MIPOL1: variants seen among roughly 807,000 people sequenced by gnomAD.
MIPOL1 encodes the protein mirror-image polydactyly gene 1 protein.
Under a neutral mutation model 60.9 loss-of-function variants are expected in MIPOL1, and 57 were observed. That is an observed-to-expected ratio of 0.94 (90% CI 0.76 to 1.17). MIPOL1 has a LOEUF of 1.17. MIPOL1 is among the 50% of genes most tolerant of loss of function. MIPOL1 has a pLI of 0.00. For synonymous variants in MIPOL1, 179 were observed against 168.8 expected, an observed-to-expected ratio of 1.06 and a Z score of -0.47; for missense variants, 551 against 511.6, an observed-to-expected ratio of 1.08 and a Z score of -0.74.
chr14:37,522,865 C>T (rs552342159), intron 12 of MIPOL1, among the ~76,000 whole-genome samples: 8 of 152,006 alleles, frequency 5.3e-5, no homozygotes, highest in Non-Finnish European at 1.0e-4. Context: ...TTCTGGAGAG[C>T]TACATGTTAG....
intron 7 of MIPOL1, among the ~76,000 whole-genome samples, chr14:37,297,286 G>C (rs1594978919): frequency 6.6e-6 from 1 of 152,092 alleles, no homozygotes; most frequent in Non-Finnish European, 1.5e-5. Flanking sequence ...AATAAATTAG[G>C]TATTGATGGG....
chr14:37,276,870 C>A (rs1281321959), intron 6 of MIPOL1: 2 of 151,148 alleles, frequency 1.3e-5, no homozygotes, highest in African/African-American at 4.8e-5. Flanking sequence ...CTGTGAAACA[C>A]AGCAGGTAGA....
chr14:37,412,564 T>C (rs144101796), intron 10 of MIPOL1, among the ~76,000 whole-genome samples: 20 of 152,168 alleles, frequency 1.3e-4, no homozygotes, highest in Middle Eastern at 3.4e-3. Flanking sequence ...CAGAAAAGAA[T>C]ATATATTATA....
intron 3 of MIPOL1, among the ~76,000 whole-genome samples, chr14:37,266,730 A>G (rs2082902757): frequency 6.6e-6 from 1 of 152,154 alleles, no homozygotes; most frequent in Non-Finnish European, 1.5e-5. Context: ...TCAGACTCTT[A>G]AGTCCCAACT....
intron 1 of MIPOL1, among the ~76,000 whole-genome samples, chr14:37,223,963 G>A (rs1305132523): frequency 6.6e-6 from 1 of 152,068 alleles, no homozygotes; most frequent in Non-Finnish European, 1.5e-5. Context: ...TACAAACTTG[G>A]CAACAGTTTT....
At chr14:37,323,337 A>T (rs943823581) in intron 9 of MIPOL1, among the ~76,000 whole-genome samples, 2 of 151,768 alleles carry the variant, frequency 1.3e-5, no homozygotes, top group African/African-American at 4.8e-5. Flanking sequence ...TGGTCTATAT[A>T]TATGTTTTGG....
In MIPOL1 at chr14:37,547,542, ATTTG is replaced by A. The variant is rs1242764899; in HGVS notation, c.*575_*578del. 2 of 152,578 alleles carry A rather than the reference ATTTG, an allele frequency of 1.3e-5. No individual in the cohort carries two copies. Among genetic ancestry groups the A allele is most frequent in the Admixed American group, 6.6e-5 (1 of 15,266 alleles). 9.5% of individuals were successfully genotyped at this position (152,578 alleles called of 1,614,324 possible). ...ATAGGTGCCAAGAATTAAATGTATAATTTGTTTAATAAGAGATGGATATATTAAA... is the reference window on the plus strand; with the variant it reads ...ATAGGTGCCAAGAATTAAATGTATAATTTAATAAGAGATGGATATATTAAA... On this transcript the variant is annotated 3_prime_UTR_variant, in exon 13 of 13. Transcript: ENST00000684589.
At chr14:37,379,217 T>C (rs752761538) in intron 10 of MIPOL1, among the ~76,000 whole-genome samples, 1 of 152,010 alleles carries the variant, frequency 6.6e-6, no homozygotes, top group Non-Finnish European at 1.5e-5. Context: ...GGGATAAAAA[T>C]AGCATTTTCA....
chr14:37,273,331 C>A (rs1320932964), intron 6 of MIPOL1, among the ~76,000 whole-genome samples: 1 of 149,870 alleles, frequency 6.7e-6, no homozygotes, highest in Non-Finnish European at 1.5e-5. Context: ...CTATAATGAG[C>A]ATAGATTTAG....
At chr14:37,231,468 C>T (rs535799341) in intron 1 of MIPOL1, among the ~76,000 whole-genome samples, 1 of 152,228 alleles carries the variant, frequency 6.6e-6, no homozygotes, top group African/African-American at 2.4e-5. Context: ...TTCTGCATTC[C>T]CACTGATATT....
intron 12 of MIPOL1, among the ~76,000 whole-genome samples, chr14:37,541,845 C>T (rs557914388): frequency 1.3e-5 from 2 of 152,156 alleles, no homozygotes; most frequent in Non-Finnish European, 2.9e-5. Flanking sequence ...TGATCCATTC[C>T]TCAGAAGCCC....
chr14:37,281,813 GT>G (rs1171672356), intron 6 of MIPOL1, among the ~76,000 whole-genome samples: 1 of 152,092 alleles, frequency 6.6e-6, no homozygotes, highest in Non-Finnish European at 1.5e-5. Flanking sequence ...ATTTTAGATT[GT>G]TTTTTCTATT....
chr14:37,272,130 G>T (rs1397366267), intron 6 of MIPOL1, among the ~76,000 whole-genome samples: 1 of 151,318 alleles, frequency 6.6e-6, no homozygotes, highest in Admixed American at 6.6e-5. Context: ...TTATTTAAAA[G>T]ATGTTTAATA....
Position 37,548,251 on chromosome 14 carries a change from T to C in MIPOL1, c.*1280T>C, listed in dbSNP as rs2095553090. ...ACAGGATAAGTACATTCAGGACAAT[T>C]TATTGTACCATTCTTTCATATACCA... On this transcript the variant is annotated 3_prime_UTR_variant, in exon 13 of 13. Coordinates refer to ENST00000684589, the MANE Select transcript of MIPOL1 (RefSeq NM_001388067.1). The C allele has an allele frequency of 6.6e-6, 1 of 152,064 alleles. No homozygotes were observed. Among genetic ancestry groups the C allele is most frequent in the African/African-American group, 2.4e-5 (1 of 41,458 alleles). 9.4% of individuals were successfully genotyped at this position (152,064 alleles called of 1,614,324 possible).
chr14:37,488,730 G>T (rs1012399534), intron 11 of MIPOL1, among the ~76,000 whole-genome samples: 1 of 152,150 alleles, frequency 6.6e-6, no homozygotes, highest in Non-Finnish European at 1.5e-5. Flanking sequence ...ATTCTGGGTT[G>T]AAAATTCTTT....
intron 10 of MIPOL1, among the ~76,000 whole-genome samples, chr14:37,393,407 TG>T (rs1595563974): frequency 4.6e-3 from 3 of 654 alleles, no homozygotes; most frequent in African/African-American, 8.7e-3. Context: ...TTTGTTTTTG[TG>T]TGTGTGTGTG....
At chr14:37,278,596 T>A (rs2153401544) in intron 6 of MIPOL1, 2 of 151,934 alleles carry the variant, frequency 1.3e-5, no homozygotes, top group South Asian at 4.1e-4. Flanking sequence ...TAATGATTTC[T>A]TTTTCCTTCT....
intron 10 of MIPOL1, among the ~76,000 whole-genome samples, chr14:37,402,317 A>G (rs1202652660): frequency 2.0e-5 from 3 of 152,170 alleles, no homozygotes; most frequent in Admixed American, 1.3e-4. Context: ...AAAATTTGCC[A>G]CCTTTTGGGG....
At chr14:37,284,831 A>G (rs922065891) in intron 6 of MIPOL1, among the ~76,000 whole-genome samples, 5 of 152,172 alleles carry the variant, frequency 3.3e-5, no homozygotes, top group African/African-American at 1.2e-4. Context: ...GTTAATGTTG[A>G]TGGACATTTG....
Sources: allele counts gnomAD v4.1 joint callset (sites outside exome capture counted in the v4.1 genomes callset), GRCh38; gene constraint gnomAD v4.1.1; transcripts MANE v1.5; gene names NCBI Gene and HGNC (gene_info 2026-07-23, HGNC 2026-07-21).